MAGI2: variants seen among roughly 807,000 people sequenced by gnomAD.
The protein encoded by MAGI2 is membrane-associated guanylate kinase, WW and PDZ domain-containing protein 2.
Under a neutral mutation model 133.3 loss-of-function variants are expected in MAGI2, and 35 were observed. The observed-to-expected ratio is 0.26, with a 90% CI of 0.20 to 0.35. MAGI2 has a LOEUF of 0.35. Ranked by LOEUF, MAGI2 falls within the 10% of genes least tolerant of loss-of-function variation. The pLI is 1.00. For synonymous variants in MAGI2, 729 were observed against 710.6 expected (o/e 1.03, Z -0.41); for missense variants, 1,636 against 1,863.4 (o/e 0.88, Z 2.25).
At chr7:78,792,931 T>G (rs1435934479) in intron 2 of MAGI2, among the ~76,000 whole-genome samples, 1 of 152,224 alleles carries the variant, frequency 6.6e-6, no homozygotes, top group Non-Finnish European at 1.5e-5. Context: ...TCAAATAATA[T>G]TTTGATGTTA....
chr7:79,217,653 G>C (rs1357267589), intron 1 of MAGI2, among the ~76,000 whole-genome samples: 1 of 151,978 alleles, frequency 6.6e-6, no homozygotes, highest in East Asian at 1.9e-4. Flanking sequence ...TAGTTTCTGT[G>C]CTTTGGTGAC....
intron 1 of MAGI2, among the ~76,000 whole-genome samples, chr7:79,279,196 A>T (rs1348692975): frequency 6.6e-6 from 1 of 152,050 alleles, no homozygotes; most frequent in South Asian, 2.1e-4. Flanking sequence ...TCTCCTTACA[A>T]AAAACGTCCC....
chr7:79,023,519 C>G (rs1296777212), intron 1 of MAGI2, among the ~76,000 whole-genome samples: 2 of 152,064 alleles, frequency 1.3e-5, no homozygotes, highest in Admixed American at 1.3e-4. Flanking sequence ...AAAAGACATT[C>G]AAATAGAAAG....
intron 3 of MAGI2, chr7:78,617,417 A>G (rs1247380312): frequency 6.6e-6 from 1 of 152,082 alleles, no homozygotes; most frequent in Non-Finnish European, 1.5e-5. Context: ...TATGTGGACA[A>G]TTGATCCTGA....
At chr7:78,611,887 G>T (rs1806487910) in intron 3 of MAGI2, among the ~76,000 whole-genome samples, 1 of 152,166 alleles carries the variant, frequency 6.6e-6, no homozygotes, top group South Asian at 2.1e-4. Flanking sequence ...GGTCAAGGTT[G>T]ACTCTTCCTC....
intron 6 of MAGI2, among the ~76,000 whole-genome samples, chr7:78,469,513 T>A (rs999142299): frequency 6.6e-6 from 1 of 152,146 alleles, no homozygotes; most frequent in Non-Finnish European, 1.5e-5. Flanking sequence ...TAGTCCATAC[T>A]AATGAGACAG....
chr7:78,208,182 C>T (rs1171598369), intron 10 of MAGI2, among the ~76,000 whole-genome samples: 1 of 137,572 alleles, frequency 7.3e-6, no homozygotes, highest in Non-Finnish European at 1.5e-5. Flanking sequence ...GCTTTCTCTG[C>T]AATGCTTTAA....
chr7:78,697,483 G>T (rs1024941880), intron 2 of MAGI2, among the ~76,000 whole-genome samples: 1 of 152,254 alleles, frequency 6.6e-6, no homozygotes, highest in East Asian at 1.9e-4. Context: ...ATTTCTGAAA[G>T]CTTTGGCTTT....
chr7:78,397,851 TA>T (rs1368377403), intron 6 of MAGI2, among the ~76,000 whole-genome samples: 4 of 152,222 alleles, frequency 2.6e-5, no homozygotes, highest in East Asian at 1.9e-4. Context: ...TAAGAAGCCT[TA>T]AAAAAATAAG....
At chr7:79,251,742 C>T (rs1402906981) in intron 1 of MAGI2, among the ~76,000 whole-genome samples, 2 of 151,964 alleles carry the variant, frequency 1.3e-5, no homozygotes, top group East Asian at 3.9e-4. Context: ...AGGTATACAC[C>T]CAAAGGAAAG....
At chr7:78,953,322 G>T (rs1209241892) in intron 2 of MAGI2, among the ~76,000 whole-genome samples, 1 of 152,148 alleles carries the variant, frequency 6.6e-6, no homozygotes, top group African/African-American at 2.4e-5. Flanking sequence ...TACCCACAAA[G>T]ATGATTTCCT....
At chr7:78,914,993 T>C (rs1173931418) in intron 2 of MAGI2, among the ~76,000 whole-genome samples, 2 of 152,152 alleles carry the variant, frequency 1.3e-5, no homozygotes, top group Non-Finnish European at 2.9e-5. Context: ...ACTTTTCAAA[T>C]ATAGAAAAAA....
intron 6 of MAGI2, among the ~76,000 whole-genome samples, chr7:78,437,975 A>C (rs1584115838): frequency 6.6e-6 from 1 of 152,304 alleles, no homozygotes; most frequent in Middle Eastern, 3.4e-3. Flanking sequence ...AAAATGCCAA[A>C]AATCACTCAG....
chr7:79,236,877 C>CA (rs1227409219), intron 1 of MAGI2, among the ~76,000 whole-genome samples: 1 of 151,990 alleles, frequency 6.6e-6, no homozygotes, highest in African/African-American at 2.4e-5. Context: ...TCCATCTCTA[C>CA]AAAAAAATAA....
intron 21 of MAGI2, among the ~76,000 whole-genome samples, chr7:78,056,827 A>C (rs1258150930): frequency 1.3e-5 from 2 of 152,132 alleles, no homozygotes; most frequent in Admixed American, 1.3e-4. Context: ...TAAAAGTTGA[A>C]GAAAAAAGAA....
At chr7:79,179,825 G>A (rs920227700) in intron 1 of MAGI2, among the ~76,000 whole-genome samples, 12 of 151,842 alleles carry the variant, frequency 7.9e-5, no homozygotes, top group Non-Finnish European at 1.6e-4. Flanking sequence ...AAGACAACTG[G>A]AAAAAAATCA....
chr7:78,957,280 A>AG (rs1231274810), intron 2 of MAGI2, among the ~76,000 whole-genome samples: 3 of 150,696 alleles, frequency 2.0e-5, no homozygotes, highest in Non-Finnish European at 4.4e-5. Context: ...AAAAAAAAAA[A>AG]AAAAAGAAAA....
chr7:79,407,527 T>C (rs1845886729), intron 1 of MAGI2, among the ~76,000 whole-genome samples: 1 of 152,162 alleles, frequency 6.6e-6, no homozygotes, highest in Admixed American at 6.6e-5. Context: ...ACTGGTGCAC[T>C]GTTGTGAATG....
At chr7:79,192,538 T>C (rs546944290) in intron 1 of MAGI2, among the ~76,000 whole-genome samples, 13 of 151,852 alleles carry the variant, frequency 8.6e-5, no homozygotes, top group African/African-American at 2.7e-4. Flanking sequence ...CTCACTTACA[T>C]AAAGTGGTTA....
Sources: allele counts gnomAD v4.1 joint callset (sites outside exome capture counted in the v4.1 genomes callset), GRCh38; gene constraint gnomAD v4.1.1; transcripts MANE v1.5; gene names NCBI Gene and HGNC (gene_info 2026-07-23, HGNC 2026-07-21).